The following YAE1 variants were observed in gnomAD, a reference collection of about 807,000 sequenced individuals.
YAE1 encodes the protein protein YAE1 homolog.
YAE1 carries 22 observed loss-of-function variants against 23.0 expected under a neutral mutation model. The observed-to-expected ratio is 0.96, with a 90% CI of 0.68 to 1.37. The LOEUF is 1.37. YAE1 is among the 40% of genes most tolerant of loss of function. The pLI is 0.00. For synonymous variants in YAE1, 101 were observed against 97.0 expected (o/e 1.04, Z -0.24); for missense variants, 260 against 262.1 (o/e 0.99, Z 0.06).
chr7:39,578,542 G>A (rs1223371187), intron 2 of YAE1, among the ~76,000 whole-genome samples: 1 of 152,116 alleles, frequency 6.6e-6, no homozygotes, highest in Non-Finnish European at 1.5e-5. Context: ...TCGCTCCTGA[G>A]GCCAGCGAGA....
rs753697248 is a variant in YAE1, at chr7:39,570,615, G to A, written c.239G>A (p.Arg80Gln). The A allele has an allele frequency of 9.4e-6, 15 of 1,591,044 alleles. No homozygotes were observed. The highest frequency in any genetic ancestry group is 6.7e-5 in the East Asian group (3 of 44,584). Residue 80 changes from arginine to glutamine, a missense_variant, in exon 2 of 3, where the codon CGA becomes CAA. By Grantham distance (43) the Arg-to-Gln change is conservative (BLOSUM62 1). Coordinates refer to ENST00000223273, the MANE Select transcript of YAE1 (RefSeq NM_020192.5). ...GTCATTTTAAACTATGGACGACTCCGAGGAACATTGAGGTAATTTTTAAAG... is the reference window on the plus strand; with the variant it reads ...GTCATTTTAAACTATGGACGACTCCAAGGAACATTGAGGTAATTTTTAAAG... The part of the protein sequence containing the change: ...AEVILNYGRL[R>Q]GTLSALLSWC...
At chr7:39,602,051 G>C (rs1297141179) in intron 2 of YAE1, among the ~76,000 whole-genome samples, 1 of 152,170 alleles carries the variant, frequency 6.6e-6, no homozygotes, top group Non-Finnish European at 1.5e-5. Flanking sequence ...AGAAAAAATT[G>C]TGTTACCTAG....
chr7:39,567,700 C>G (rs1790495572), intron 1 of YAE1, among the ~76,000 whole-genome samples: 1 of 152,024 alleles, frequency 6.6e-6, no homozygotes, highest in Admixed American at 6.6e-5. Context: ...GGTTACACAT[C>G]CAAACTCTTC....
At chr7:39,573,157 A>G (rs1278608392), downstream of YAE1, among the ~76,000 whole-genome samples, 1 of 152,194 alleles carries the variant, frequency 6.6e-6, no homozygotes. Flanking sequence ...AGATATGTAG[A>G]TATATATTGA....
At chr7:39,601,621 A>G (rs1015760759) in intron 2 of YAE1, among the ~76,000 whole-genome samples, 1 of 151,942 alleles carries the variant, frequency 6.6e-6, no homozygotes, top group African/African-American at 2.4e-5. Context: ...TTAGTCGGGC[A>G]TGGTGGCGGG....
chr7:39,568,409 A>G (rs1790510883), intron 1 of YAE1, among the ~76,000 whole-genome samples: 1 of 152,148 alleles, frequency 6.6e-6, no homozygotes, highest in Non-Finnish European at 1.5e-5. Flanking sequence ...TTTGTTTTAT[A>G]TTAACCTTCT....
chr7:39,607,698 T>C (rs1791150579), intron 2 of YAE1, among the ~76,000 whole-genome samples: 1 of 152,266 alleles, frequency 6.6e-6, no homozygotes, highest in Non-Finnish European at 1.5e-5. Flanking sequence ...AGATGTAGTC[T>C]CGCCCTGTTT....
chr7:39,570,573 A>G lies in YAE1; in HGVS notation c.197A>G (p.Tyr66Cys), dbSNP rs1428792579. Residue 66 changes from tyrosine to cysteine, a missense_variant, in exon 2 of 3, where the codon TAT becomes TGT. Transcript: ENST00000223273. ...VTLQQGFNQG[Y>C]KKGAEVILNY... ...CTTCAACAGGGCTTCAATCAAGGTT[A>G]TAAGAAAGGTGCAGAAGTCATTTTA... 2 of 1,611,422 alleles carry G rather than the reference A, an allele frequency of 1.2e-6. No individual in the cohort carries two copies. The highest frequency in any genetic ancestry group is 8.5e-7 in the Non-Finnish European group (1 of 1,179,596).
exon 3 of YAE1, chr7:39,609,994 T>C: frequency 6.6e-7 from 1 of 1,514,636 alleles, no homozygotes; most frequent in African/African-American, 1.4e-5. Context: ...TAGAAGTTGT[T>C]CTTAATCAGA....
chr7:39,570,312 G>T, intron 1 of YAE1, 194 bp from the exon 2 acceptor site: 1 of 697,908 alleles, frequency 1.4e-6, no homozygotes, highest in African/African-American at 1.8e-5. Context: ...TCAAAAGTGG[G>T]ATAAGTAATG....
chr7:39,592,775 ATACTTTTT>A (rs1384701751), intron 2 of YAE1, among the ~76,000 whole-genome samples: 1 of 152,144 alleles, frequency 6.6e-6, no homozygotes, highest in Non-Finnish European at 1.5e-5. Context: ...GCTCTTTTAA[ATACTTTTT>A]TACTTTTGTT....
At chr7:39,591,459 T>C (rs765314032) in intron 2 of YAE1, among the ~76,000 whole-genome samples, 1 of 152,202 alleles carries the variant, frequency 6.6e-6, no homozygotes, top group African/African-American at 2.4e-5. Context: ...AAAATGCCTT[T>C]TATTTCCCTT....
intron 1 of YAE1, among the ~76,000 whole-genome samples, chr7:39,568,106 C>T (rs2329455): frequency 0.15 from 22,357 of 151,958 alleles, 1,770 homozygotes; most frequent in African/African-American, 0.22. Context: ...GGTATAGTGG[C>T]GTGCACCTAT....
At chr7:39,598,705 A>C (rs1791012782) in intron 2 of YAE1, among the ~76,000 whole-genome samples, 1 of 150,738 alleles carries the variant, frequency 6.6e-6, no homozygotes, top group Non-Finnish European at 1.5e-5. Context: ...TGAACCCAGG[A>C]GGTCAAGGCT....
intron 2 of YAE1, among the ~76,000 whole-genome samples, chr7:39,592,915 T>C (rs1790920324): frequency 6.6e-6 from 1 of 152,166 alleles, no homozygotes; most frequent in African/African-American, 2.4e-5. Context: ...TTCTTTAAAT[T>C]TTTGGTCATT....
intron 2 of YAE1, among the ~76,000 whole-genome samples, chr7:39,581,854 A>G (rs1790747477): frequency 6.6e-6 from 1 of 152,174 alleles, no homozygotes; most frequent in Admixed American, 6.5e-5. Flanking sequence ...CCTGGGTAAC[A>G]GAGTGAGACC....
chr7:39,569,643 A>G, intron 1 of YAE1: 1 of 651,638 alleles, frequency 1.5e-6, no homozygotes, highest in South Asian at 1.4e-5. Context: ...CAGAGTTGCT[A>G]AAGGAAAAAC....
At chr7:39,598,889 C>CA (rs1322324980) in intron 2 of YAE1, among the ~76,000 whole-genome samples, 1 of 148,826 alleles carries the variant, frequency 6.7e-6, no homozygotes, top group Non-Finnish European at 1.5e-5. Context: ...AAAGGAAAGA[C>CA]TTTTTTTTTT....
At chr7:39,570,402 A>C in intron 1 of YAE1, 104 bp from the exon 2 acceptor site, 2 of 1,333,884 alleles carry the variant, frequency 1.5e-6, no homozygotes, top group Non-Finnish European at 2.1e-6. Context: ...GTAACACAGT[A>C]AAGGCCTAAT....
Sources: gnomAD v4.1 joint callset for allele counts (sites outside exome capture counted in the v4.1 genomes callset) on GRCh38, gnomAD v4.1.1 for gene constraint, MANE v1.5 for transcripts, NCBI Gene and HGNC (gene_info 2026-07-23, HGNC 2026-07-21) for gene names.